The following LEPR variants were observed in gnomAD, a reference collection of about 807,000 sequenced individuals.
The protein encoded by LEPR is OB receptor.
LEPR carries 56 observed loss-of-function variants against 114.7 expected under a neutral mutation model. That is an observed-to-expected ratio of 0.49 (90% CI 0.39 to 0.61). LEPR has a LOEUF of 0.61. Ranked by LOEUF, LEPR falls within the 20% of genes least tolerant of loss-of-function variation. The pLI, the probability that LEPR is intolerant of heterozygous loss-of-function variation, is 0.00. For synonymous variants in LEPR, 443 were observed against 461.4 expected, an observed-to-expected ratio of 0.96 and a Z score of 0.51; for missense variants, 1,202 against 1,352.9, an observed-to-expected ratio of 0.89 and a Z score of 1.75.
chr1:65,564,221 A>C (rs1248500759), intron 2 of LEPR, among the ~76,000 whole-genome samples: 1 of 150,208 alleles, frequency 6.7e-6, no homozygotes, highest in Non-Finnish European at 1.5e-5. Flanking sequence ...TGGGCGTAGG[A>C]CCCTCCGAGC....
intron 2 of LEPR, among the ~76,000 whole-genome samples, chr1:65,518,324 A>G (rs992171111): frequency 2.6e-5 from 4 of 152,040 alleles, no homozygotes; most frequent in Non-Finnish European, 4.4e-5. Context: ...TTGTTTATAG[A>G]TTTTTCTTAG....
At chr1:65,476,398 A>G (rs182895425) in intron 2 of LEPR, among the ~76,000 whole-genome samples, 19 of 152,196 alleles carry the variant, frequency 1.2e-4, no homozygotes, top group African/African-American at 4.1e-4. Flanking sequence ...AAGTGCTGGG[A>G]TAAAGCAGTG....
intron 2 of LEPR, among the ~76,000 whole-genome samples, chr1:65,458,844 C>A (rs1334029922): frequency 6.6e-6 from 1 of 152,130 alleles, no homozygotes; most frequent in African/African-American, 2.4e-5. Context: ...TGTAAGTGTT[C>A]CACAGTTCTT....
At chr1:65,456,233 C>A (rs896868841) in intron 2 of LEPR, among the ~76,000 whole-genome samples, 1 of 152,066 alleles carries the variant, frequency 6.6e-6, no homozygotes, top group Admixed American at 6.6e-5. Flanking sequence ...ATGCAGAAAT[C>A]ACCCGTCTTC....
intron 5 of LEPR, among the ~76,000 whole-genome samples, chr1:65,592,364 A>C (rs1392986869): frequency 6.8e-6 from 1 of 146,578 alleles, no homozygotes; most frequent in Non-Finnish European, 1.5e-5. Context: ...CCTTTATTTC[A>C]TCATTATTTT....
chr1:65,490,958 A>G (rs1296410525), intron 2 of LEPR, among the ~76,000 whole-genome samples: 1 of 152,068 alleles, frequency 6.6e-6, no homozygotes, highest in African/African-American at 2.4e-5. Flanking sequence ...ACACTGGATA[A>G]CCCTCACAGG....
intron 2 of LEPR, among the ~76,000 whole-genome samples, chr1:65,538,070 AT>A (rs1272217636): frequency 6.6e-6 from 1 of 151,674 alleles, no homozygotes; most frequent in Non-Finnish European, 1.5e-5. Context: ...AATTACCTTT[AT>A]TTTTTCTTAT....
intron 5 of LEPR, among the ~76,000 whole-genome samples, chr1:65,575,514 A>G (rs1397199371): frequency 1.3e-5 from 2 of 151,630 alleles, no homozygotes; most frequent in African/African-American, 4.9e-5. Flanking sequence ...ATAATTCATC[A>G]AAATAATTTA....
At chr1:65,533,659 CTTCT>C (rs202017244) in intron 2 of LEPR, among the ~76,000 whole-genome samples, 2,522 of 152,220 alleles carry the variant, frequency 0.017, 38 homozygotes, top group South Asian at 0.028. Flanking sequence ...CTTCTACATA[CTTCT>C]TTATCTGTGT....
At chr1:65,502,223 T>G (rs1407870059) in intron 2 of LEPR, among the ~76,000 whole-genome samples, 1 of 152,118 alleles carries the variant, frequency 6.6e-6, no homozygotes, top group Non-Finnish European at 1.5e-5. Context: ...ATATGTCTTA[T>G]GAAGTCATCA....
chr1:65,601,549 G>C lies in LEPR; in HGVS notation c.1152G>C (p.Val384=). ...TTCCTCAAAGCCAGTATGATGTTGT[G>C]AGTGATCATGTTAGCAAAGTTACTT... ...EKIPQSQYDV[V]SDHVSKVTFF... The change falls in exon 9 of 20, where the codon GTG becomes GTC. Residue 384 remains valine, a synonymous_variant. Coordinates refer to ENST00000349533, the MANE Select transcript of LEPR (RefSeq NM_002303.6). 6.2e-7 allele frequency: 1 copy of C among 1,613,792 alleles called. No homozygotes were observed. The highest frequency in any genetic ancestry group is 8.5e-7 in the Non-Finnish European group (1 of 1,179,760).
intron 6 of LEPR, among the ~76,000 whole-genome samples, chr1:65,594,893 G>A (rs962637453): frequency 1.3e-5 from 2 of 152,136 alleles, no homozygotes; most frequent in Middle Eastern, 3.4e-3. Context: ...CTGAAAGGCC[G>A]AGTAAGGTGA....
In LEPR at chr1:65,478,204, G is replaced by T. The variant is rs1038518353; in HGVS notation, c.-21+52826G>T. Among the ~76,000 whole-genome samples, 3 of 152,296 alleles carry T rather than the reference G, an allele frequency of 2.0e-5. No individual in the cohort carries two copies. In the East Asian group the frequency reaches 5.8e-4, roughly 29 times the overall value. On this transcript the variant is annotated intron_variant, in intron 2 of 19. Coordinates refer to ENST00000349533, the MANE Select transcript of LEPR (RefSeq NM_002303.6). ...TTTAGTGGAAAAACACCCAGGCTAG[G>T]ATTTGGGAGACCTGGGTCCCACTGA...
chr1:65,626,107 T>C, intron 19 of LEPR: 2 of 1,610,080 alleles, frequency 1.2e-6, no homozygotes, highest in Non-Finnish European at 1.7e-6. Context: ...CAGCAAATTA[T>C]TTTTCCCTTT....
At chr1:65,452,484 A>T (rs918564828) in intron 2 of LEPR, among the ~76,000 whole-genome samples, 1 of 152,046 alleles carries the variant, frequency 6.6e-6, no homozygotes, top group Non-Finnish European at 1.5e-5. Context: ...AGTTTTTAGC[A>T]TGAAGGGTTG....
intron 2 of LEPR, among the ~76,000 whole-genome samples, chr1:65,475,101 A>G (rs1189221806): frequency 1.3e-5 from 2 of 151,920 alleles, no homozygotes; most frequent in African/African-American, 4.8e-5. Context: ...TAGAAACTCA[A>G]AAAGTAAAGA....
chr1:65,617,842 T>G, intron 15 of LEPR, 122 bp from the exon 16 acceptor site: 1 of 938,404 alleles, frequency 1.1e-6, no homozygotes, highest in Non-Finnish European at 1.5e-6. Flanking sequence ...ATCATATTTA[T>G]TTGTGTAAAT....
chr1:65,520,161 C>T (rs1023717594), intron 2 of LEPR, among the ~76,000 whole-genome samples: 3 of 152,014 alleles, frequency 2.0e-5, no homozygotes, highest in African/African-American at 7.2e-5. Context: ...CAGCACCTGG[C>T]CAAAAAAATG....
intron 2 of LEPR, among the ~76,000 whole-genome samples, chr1:65,558,714 A>C (rs1486435375): frequency 2.4e-5 from 1 of 42,200 alleles, no homozygotes; most frequent in Admixed American, 2.6e-4. Flanking sequence ...CCCACCCCAC[A>C]ACAGTCCCCA....
Sources: allele counts gnomAD v4.1 joint callset (sites outside exome capture counted in the v4.1 genomes callset), GRCh38; gene constraint gnomAD v4.1.1; transcripts MANE v1.5; gene names NCBI Gene and HGNC (gene_info 2026-07-23, HGNC 2026-07-21).